The following EEF2 variants were observed in gnomAD, a reference collection of about 807,000 sequenced individuals.
EEF2 encodes the protein eukaryotic translation elongation factor 2.
EEF2 carries 21 observed loss-of-function variants against 85.3 expected under a neutral mutation model. The observed-to-expected ratio is 0.25, with a 90% CI of 0.17 to 0.35. The LOEUF (loss-of-function observed/expected upper bound fraction) is 0.35. Among genes scored for constraint, EEF2 ranks in the 10% least tolerant of loss-of-function variants. EEF2 has a pLI of 1.00. For missense variants in EEF2, 825 were observed against 1,225.3 expected (o/e 0.67, Z 4.88); for synonymous variants, 723 against 508.8 (o/e 1.42, Z -5.67).
chr19:3,977,665 C>G lies in EEF2; in HGVS notation c.2068-55G>C. ...GCCGGACACACCTCGGCTGCTTGCCCTCCACCTGCCAAGTCCTGCAGGTCT... is the reference window on the plus strand; with the variant it reads ...GCCGGACACACCTCGGCTGCTTGCCGTCCACCTGCCAAGTCCTGCAGGTCT... On this transcript the variant is annotated intron_variant, in intron 12 of 14. Coordinates refer to ENST00000309311, the MANE Select transcript of EEF2 (RefSeq NM_001961.4). The surrounding 1 kb of genome is among the most constrained non-coding windows in gnomAD (Gnocchi z 5.4). The G allele has an allele frequency of 1.4e-6, 2 of 1,475,694 alleles. No homozygotes were observed. The highest frequency in any genetic ancestry group is 1.4e-5 in the African/African-American group (1 of 71,310). 91.4% of individuals were successfully genotyped at this position (1,475,694 alleles called of 1,614,324 possible).
In EEF2 at chr19:3,977,391, A is replaced by T; in HGVS notation, c.2250+37T>A. 1.3e-6 allele frequency: 2 copies of T among 1,591,950 alleles called. No individual in the cohort carries two copies. Among genetic ancestry groups the T allele is most frequent in the Non-Finnish European group, 1.7e-6 (2 of 1,169,040 alleles). On this transcript the variant is annotated intron_variant, in intron 13 of 14. Coordinates refer to ENST00000309311, the MANE Select transcript of EEF2 (RefSeq NM_001961.4). This position sits in a 1 kb window ranked among gnomAD's most constrained non-coding sequence, Gnocchi z 5.4. ...AACCTGTCAGTGGCCGCTGGGCAGG[A>T]CGGTGGCAGGGTCAGCGGTGGGCGG...
rs749773906 is a variant in EEF2, at chr19:3,979,420, G to A, written c.1622C>T (p.Ser541Leu). The change falls in exon 11 of 15, where the codon TCG (serine) becomes TTG (leucine). Residue 541 changes from serine to leucine, a missense_variant. By Grantham distance (145) the Ser-to-Leu change is moderately radical (BLOSUM62 -2). Coordinates refer to ENST00000309311, the MANE Select transcript of EEF2 (RefSeq NM_001961.4). ...DPMVQCIIEESGEHIIAGAGE... is the reference protein window; with the variant it reads ...DPMVQCIIEELGEHIIAGAGE... ...GGCGCCCGCGATGATATGCTCTCCC[G>A]ACTCCTCGATGATGCACTGAAAGGG... 6 of 1,613,564 alleles carry A rather than the reference G, an allele frequency of 3.7e-6. No homozygotes were observed. The highest frequency in any genetic ancestry group is 1.7e-5 in the Admixed American group (1 of 59,998).
chr19:3,982,989 G>A lies in EEF2; in HGVS notation c.430C>T (p.Arg144Trp), dbSNP rs1273667340. ...GVCVQTETVL[R>W]QAIAERIKPV... ...TTGATGCGCTCGGCAATGGCCTGCC[G>A]CAGCACTGTCTCCGTCTGCACGCAC... The change falls in exon 4 of 15, where the codon CGG (arginine) becomes TGG (tryptophan). Residue 144 changes from arginine to tryptophan, a missense_variant. By Grantham distance (101) the Arg-to-Trp change is moderately radical. Coordinates refer to ENST00000309311, the MANE Select transcript of EEF2 (RefSeq NM_001961.4). 1 of 1,612,386 alleles carries A rather than the reference G, an allele frequency of 6.2e-7. No homozygotes were observed. The highest frequency in any genetic ancestry group is 2.2e-5 in the East Asian group (1 of 44,870).
At position 3,983,311 on chromosome 19, in the gene EEF2, G is replaced by C. The variant is rs1369117712; in HGVS notation, c.219-20C>G. On this transcript the variant is annotated intron_variant, in intron 2 of 14. Coordinates refer to ENST00000309311, the MANE Select transcript of EEF2 (RefSeq NM_001961.4). ...ATGGCACTGATGGAGGGAGGGACTC[G>C]TCAGGGGGACAGGAGCCACACACCT... 2 of 1,608,374 alleles carry C rather than the reference G, an allele frequency of 1.2e-6. No individual in the cohort carries two copies. Among genetic ancestry groups the C allele is most frequent in the Non-Finnish European group, 1.7e-6 (2 of 1,176,866 alleles).
chr19:3,978,226 C>T (rs767608925), intron 11 of EEF2, 54 bp from the exon 12 acceptor site: 2 of 1,396,726 alleles, frequency 1.4e-6, no homozygotes, highest in Non-Finnish European at 1.9e-6. Context: ...TGACCTTACA[C>T]ACAGACGCAT....
intron 9 of EEF2, 34 bp from the exon 10 acceptor site, chr19:3,980,100 G>A: frequency 1.9e-6 from 3 of 1,599,210 alleles, no homozygotes; most frequent in Non-Finnish European, 1.7e-6. Flanking sequence ...CAGGCCGCAG[G>A]GATGGTTGTG....
In EEF2 at chr19:3,977,966, C is replaced by T; in HGVS notation, c.1920G>A (p.Glu640=). 1 of 1,613,402 alleles carries T rather than the reference C, an allele frequency of 6.2e-7. No individual in the cohort carries two copies. The highest frequency in any genetic ancestry group is 8.5e-7 in the Non-Finnish European group (1 of 1,179,914). Residue 640 remains glutamate, a synonymous_variant, in exon 12 of 15, where the codon GAG becomes GAA. Transcript: ENST00000309311. The surrounding 1 kb of genome is among the most constrained non-coding windows in gnomAD (Gnocchi z 5.4). ...QRARYLAEKY[E]WDVAEARKIW... is the part of the protein sequence containing the mutation. ...TCTTGCGGGCCTCAGCCACGTCCCA[C>T]TCGTACTTCTCGGCCAGGTAGCGCG... is the stretch of plus-strand genomic sequence containing the variant.
intron 7 of EEF2, 51 bp downstream of exon 7, chr19:3,981,288 G>GA (rs762961652): frequency 1.3e-6 from 2 of 1,568,400 alleles, no homozygotes; most frequent in Non-Finnish European, 1.8e-6. Context: ...AGAGCATCCG[G>GA]AAACAGCAGC....
Position 3,982,041 on chromosome 19 carries a change from G to A in EEF2, c.803C>T (p.Pro268Leu), listed in dbSNP as rs769297557. Residue 268 changes from proline to leucine, a missense_variant, in exon 6 of 15, where the codon CCA (proline) becomes CTA (leucine). Transcript: ENST00000309311. ...TGACTTGCTGAACTTGCCGTTGGCT[G>A]GGTCAAAGTACCTGGCAAGGAGAGG... The part of the protein sequence containing the change: ...KKLWGDRYFD[P>L]ANGKFSKSAT... 5 of 1,614,034 alleles carry A rather than the reference G, an allele frequency of 3.1e-6. No homozygotes were observed. The highest frequency in any genetic ancestry group is 2.2e-5 in the South Asian group (2 of 91,078).
intron 6 of EEF2, 35 bp from the exon 7 acceptor site, chr19:3,981,487 TG>T: frequency 6.3e-7 from 1 of 1,593,732 alleles, no homozygotes; most frequent in Non-Finnish European, 8.6e-7. Context: ...AAAGCCCATT[TG>T]GGAACAGCAG....
At chr19:3,982,153 T>G in intron 5 of EEF2, 93 bp downstream of exon 5, 1 of 1,600,112 alleles carries the variant, frequency 6.2e-7, no homozygotes, top group Non-Finnish European at 8.6e-7. Context: ...CCTGGTGGGC[T>G]TGAGCCACGC....
rs776029459 is a variant in EEF2, at chr19:3,985,405, C to G, written c.-25G>C. ...TGGTGGCGGATGGCGGTGGATTCTC[C>G]CAGGTAGAACCGAAAGAAGCGAGTC... On this transcript the variant is annotated 5_prime_UTR_variant, in exon 1 of 15. Coordinates refer to ENST00000309311, the MANE Select transcript of EEF2 (RefSeq NM_001961.4). The G allele has an allele frequency of 2.1e-5, 32 of 1,495,714 alleles. No homozygotes were observed. The highest frequency in any genetic ancestry group is 2.8e-5 in the Non-Finnish European group (31 of 1,117,396). 92.7% of individuals were successfully genotyped at this position (1,495,714 alleles called of 1,614,324 possible).
intron 1 of EEF2, among the ~76,000 whole-genome samples, chr19:3,984,559 G>A (rs1599199231): frequency 6.6e-6 from 1 of 152,216 alleles, no homozygotes; most frequent in Non-Finnish European, 1.5e-5. Context: ...TGTCATTCAT[G>A]ATTGACAACC....
chr19:3,980,435 C>A, intron 9 of EEF2, 79 bp downstream of exon 9: 1 of 1,494,840 alleles, frequency 6.7e-7, no homozygotes, highest in South Asian at 1.3e-5. Context: ...TTCTAGCTCC[C>A]GACTGAGGAG....
chr19:3,982,364 G>A lies in EEF2; in HGVS notation c.673C>T (p.Leu225=). Reference sequence around the variant, plus strand: ...ACATACATCTCGGCAAACTGCTTCAGGGTGAAGGCCCACCCGTGGAGGCCA... The same window carrying A: ...ACATACATCTCGGCAAACTGCTTCAAGGTGAAGGCCCACCCGTGGAGGCCA... The part of the protein sequence containing the change: ...GSGLHGWAFT[L]KQFAEMYVAK... Residue 225 remains leucine (L), a synonymous_variant, in exon 5 of 15, where the codon CTG becomes TTG. Transcript: ENST00000309311. The A allele has an allele frequency of 6.2e-7, 1 of 1,614,156 alleles. No homozygotes were observed. Among genetic ancestry groups the A allele is most frequent in the Non-Finnish European group, 8.5e-7 (1 of 1,180,034 alleles).
intron 2 of EEF2, 103 bp downstream of exon 2, chr19:3,984,032 GA>G (rs1377327862): frequency 1.6e-6 from 2 of 1,229,644 alleles, no homozygotes; most frequent in East Asian, 2.4e-5. Flanking sequence ...GAAACCAGGG[GA>G]AAGAGACGTT....
intron 6 of EEF2, among the ~76,000 whole-genome samples, chr19:3,981,664 ACT>A (rs1417839612): frequency 4.6e-5 from 7 of 152,182 alleles, no homozygotes; most frequent in African/African-American, 1.7e-4. Context: ...GCCCACTCTG[ACT>A]CAGACAAGGA....
At chr19:3,983,387 T>G in intron 2 of EEF2, 96 bp from the exon 3 acceptor site, 2 of 1,356,114 alleles carry the variant, frequency 1.5e-6, no homozygotes, top group East Asian at 5.0e-5. Context: ...CCTCCCTCCA[T>G]GACTCATCCC....
intron 1 of EEF2, 83 bp downstream of exon 1, chr19:3,985,294 GC>G: frequency 7.6e-7 from 1 of 1,313,924 alleles, no homozygotes; most frequent in South Asian, 2.0e-5. Flanking sequence ...GGCACGGGGG[GC>G]CCCAGCGTCC....
Sources: gnomAD v4.1 joint callset for allele counts (sites outside exome capture counted in the v4.1 genomes callset) on GRCh38, gnomAD v4.1.1 for gene constraint, Gnocchi (gnomAD v3.1) non-coding constraint, MANE v1.5 for transcripts, NCBI Gene and HGNC (gene_info 2026-07-23, HGNC 2026-07-21) for gene names.